Variants in SPAG16 observed in about 807,000 individuals in gnomAD.
The protein encoded by SPAG16 is sperm-associated antigen 16 protein.
Under a neutral mutation model 80.4 loss-of-function variants are expected in SPAG16, and 86 were observed. The ratio of observed to expected loss-of-function variants is 1.07; its 90% confidence interval spans 0.90 to 1.28. The LOEUF (loss-of-function observed/expected upper bound fraction) is 1.28. SPAG16 is among the 50% of genes most tolerant of loss of function. SPAG16 has a pLI of 0.00. For missense variants in SPAG16, 870 were observed against 765.3 expected, an observed-to-expected ratio of 1.14 and a Z score of -1.61; for synonymous variants, 294 against 265.9, an observed-to-expected ratio of 1.11 and a Z score of -1.03.
chr2:214,031,201 A>G (rs1280117217), intron 13 of SPAG16, among the ~76,000 whole-genome samples: 1 of 151,930 alleles, frequency 6.6e-6, no homozygotes, highest in Non-Finnish European at 1.5e-5. Context: ...AGGTCCAACC[A>G]TGATAGACTG....
At chr2:213,604,128 G>A (rs1306123358) in intron 10 of SPAG16, among the ~76,000 whole-genome samples, 1 of 152,210 alleles carries the variant, frequency 6.6e-6, no homozygotes, top group South Asian at 2.1e-4. Context: ...CTGACCTCAG[G>A]TGATCTGCCC....
At chr2:213,853,816 T>C (rs772512227) in intron 10 of SPAG16, among the ~76,000 whole-genome samples, 4 of 152,190 alleles carry the variant, frequency 2.6e-5, no homozygotes, top group Admixed American at 1.3e-4. Context: ...TTATTAGAAC[T>C]TTGGGATGAC....
At position 213,869,050 on chromosome 2, in the gene SPAG16, G is replaced by A. The variant is rs574776772; in HGVS notation, c.1214+6422G>A. 5.3e-4 allele frequency among the ~76,000 whole-genome samples: 80 copies of A among 151,482 alleles called. No homozygotes were observed. In the South Asian group the frequency reaches 8.8e-3, roughly 17 times the overall value. On this transcript the variant is annotated intron_variant, in intron 11 of 15. Transcript: ENST00000331683. ...GCGGATCACCTGAGGTCAGGATTTC[G>A]AGACCAGCCTGACCAACATGGTGAA...
At chr2:214,205,894 AC>A (rs2058130331) in intron 15 of SPAG16, among the ~76,000 whole-genome samples, 2 of 152,116 alleles carry the variant, frequency 1.3e-5, no homozygotes, top group South Asian at 4.1e-4. Context: ...TTTGAAATGT[AC>A]AACAAATTAT....
chr2:214,180,978 T>G (rs2057293046), intron 15 of SPAG16, among the ~76,000 whole-genome samples: 1 of 151,742 alleles, frequency 6.6e-6, no homozygotes, highest in South Asian at 2.1e-4. Context: ...TGCCCCCGAT[T>G]GGTTTAGTTT....
chr2:213,332,759 A>G (rs541935081), intron 5 of SPAG16, among the ~76,000 whole-genome samples: 1 of 152,312 alleles, frequency 6.6e-6, no homozygotes, highest in Non-Finnish European at 1.5e-5. Context: ...CATCAAAAGA[A>G]TGAACAACAA....
At chr2:213,370,937 G>T (rs996177788) in intron 8 of SPAG16, among the ~76,000 whole-genome samples, 12 of 152,180 alleles carry the variant, frequency 7.9e-5, no homozygotes, top group Non-Finnish European at 1.8e-4. Flanking sequence ...CTAATCAAAA[G>T]TAGTTATTTA....
chr2:213,594,676 C>T (rs1009479099), intron 10 of SPAG16, among the ~76,000 whole-genome samples: 7 of 152,118 alleles, frequency 4.6e-5, no homozygotes, highest in Non-Finnish European at 1.0e-4. Flanking sequence ...TCATCATTTA[C>T]GTTTCTGGCT....
At chr2:214,368,821 A>C (rs1699643164) in intron 15 of SPAG16, among the ~76,000 whole-genome samples, 1 of 152,018 alleles carries the variant, frequency 6.6e-6, no homozygotes, top group Non-Finnish European at 1.5e-5. Context: ...ATTAGCTGAA[A>C]CCCTTATACC....
intron 10 of SPAG16, among the ~76,000 whole-genome samples, chr2:213,603,507 C>T (rs943246247): frequency 6.6e-6 from 1 of 152,090 alleles, no homozygotes; most frequent in Non-Finnish European, 1.5e-5. Context: ...AGGGAATTCA[C>T]GCTATTCAAA....
intron 15 of SPAG16, among the ~76,000 whole-genome samples, chr2:214,255,853 G>A (rs929762404): frequency 3.3e-5 from 5 of 151,818 alleles, no homozygotes; most frequent in Non-Finnish European, 5.9e-5. Flanking sequence ...GTTTGTTTAC[G>A]AATTACGCTA....
At chr2:214,041,927 G>T (rs2049027816) in intron 13 of SPAG16, among the ~76,000 whole-genome samples, 1 of 140,528 alleles carries the variant, frequency 7.1e-6, no homozygotes, top group Admixed American at 7.1e-5. Context: ...TATCTTTTGT[G>T]TATATATTTA....
At chr2:214,178,281 A>C (rs992658305) in intron 15 of SPAG16, among the ~76,000 whole-genome samples, 2 of 150,908 alleles carry the variant, frequency 1.3e-5, no homozygotes, top group Non-Finnish European at 3.0e-5. Context: ...ATAATAAACC[A>C]ATCTAGGAAA....
chr2:213,704,197 C>G (rs144150676), intron 10 of SPAG16, among the ~76,000 whole-genome samples: 10 of 152,186 alleles, frequency 6.6e-5, no homozygotes, highest in African/African-American at 1.7e-4. Flanking sequence ...TTAATTCTGT[C>G]AGGATTTTGA....
At chr2:213,486,551 T>C (rs1333134265) in intron 9 of SPAG16, among the ~76,000 whole-genome samples, 2 of 152,138 alleles carry the variant, frequency 1.3e-5, no homozygotes, top group Non-Finnish European at 2.9e-5. Context: ...CTGAAAGTTA[T>C]TATGTTAAGT....
At chr2:213,696,479 C>T (rs1187271950) in intron 10 of SPAG16, among the ~76,000 whole-genome samples, 6 of 152,050 alleles carry the variant, frequency 3.9e-5, no homozygotes, top group African/African-American at 9.7e-5. Flanking sequence ...ATTCAGGGCA[C>T]ATCCCTGGCT....
At chr2:213,890,568 A>G (rs1460255862) in intron 11 of SPAG16, among the ~76,000 whole-genome samples, 3 of 140,338 alleles carry the variant, frequency 2.1e-5, no homozygotes, top group African/African-American at 7.5e-5. Flanking sequence ...TTTAATAATA[A>G]AGAGCAATAA....
chr2:214,359,916 A>T (rs1042941440), intron 15 of SPAG16, among the ~76,000 whole-genome samples: 2 of 151,890 alleles, frequency 1.3e-5, no homozygotes, highest in Admixed American at 1.3e-4. Flanking sequence ...ACTTGGTTAC[A>T]GTCCCTCTGA....
chr2:213,872,775 G>A lies in SPAG16; in HGVS notation c.1214+10147G>A, dbSNP rs527329040. ...AAGAAGTTTATTTCTATTTCTAGTC[G>A]AATATGTTGATCATGAGAGGATGTT... On this transcript the variant is annotated intron_variant, in intron 11 of 15. Coordinates refer to ENST00000331683, the MANE Select transcript of SPAG16 (RefSeq NM_024532.5). 6.2e-4 allele frequency among the ~76,000 whole-genome samples: 94 copies of A among 152,146 alleles called. 1 individual carries two copies. Among genetic ancestry groups the A allele is most frequent in the African/African-American group, 2.2e-3 (90 of 41,558 alleles).
Sources: gnomAD v4.1 joint callset for allele counts (sites outside exome capture counted in the v4.1 genomes callset) on GRCh38, gnomAD v4.1.1 for gene constraint, MANE v1.5 for transcripts, NCBI Gene and HGNC (gene_info 2026-07-23, HGNC 2026-07-21) for gene names.